Variants in XRCC5 observed in about 807,000 individuals in gnomAD.
XRCC5 encodes X-ray repair cross complementing 5.
XRCC5 carries 12 observed loss-of-function variants against 95.7 expected under a neutral mutation model. The observed-to-expected ratio is 0.13, with a 90% CI of 0.08 to 0.20. The LOEUF (loss-of-function observed/expected upper bound fraction) is 0.20, where lower values mean the gene tolerates loss of function less well. Ranked by LOEUF, XRCC5 falls within the 10% of genes least tolerant of loss-of-function variation. The pLI is 1.00. For synonymous variants in XRCC5, 281 were observed against 290.3 expected, an observed-to-expected ratio of 0.97 and a Z score of 0.33; for missense variants, 595 against 873.9, an observed-to-expected ratio of 0.68 and a Z score of 4.02.
rs748125419 is a variant in XRCC5 at position 216,148,086 on chromosome 2, C to G, written c.1480C>G (p.Leu494Val). The change falls in exon 14 of 21, where the codon CTG (leucine) becomes GTG (valine). Residue 494 changes from leucine to valine, a missense_variant. Leu to Val is a conservative substitution (Grantham distance 32). Around this residue, in one of 2 missense-constraint regions of XRCC5, gnomAD observed 309 missense variants for 382.9 expected, o/e 0.81. Transcript: ENST00000392132. ...NPRFQRLFQC[L>V]LHRALHPREP... is the part of the protein sequence containing the mutation. Reference sequence around the variant, plus strand: ...AAATCCTTACTTTTTCCAACAGTGTCTGCTGCACAGAGCTTTACATCCCCG... The same window carrying G: ...AAATCCTTACTTTTTCCAACAGTGTGTGCTGCACAGAGCTTTACATCCCCG... 6.2e-7 allele frequency: 1 copy of G among 1,611,530 alleles called. No homozygotes were observed. Among genetic ancestry groups the G allele is most frequent in the Non-Finnish European group, 8.5e-7 (1 of 1,179,300 alleles).
intron 14 of XRCC5, among the ~76,000 whole-genome samples, chr2:216,148,638 A>C (rs1281005480): frequency 2.6e-5 from 4 of 152,152 alleles, no homozygotes; most frequent in African/African-American, 9.7e-5. Flanking sequence ...TGAAGATCAT[A>C]GGTTTTTTGG....
intron 2 of XRCC5, among the ~76,000 whole-genome samples, 178 bp from the exon 3 acceptor site, chr2:216,116,481 G>A (rs1696699574): frequency 6.6e-6 from 1 of 152,128 alleles, no homozygotes; most frequent in African/African-American, 2.4e-5. Context: ...AAAAACATCT[G>A]TTCAGAACCT....
At chr2:216,194,781 G>C (rs1270932378) in intron 18 of XRCC5, 138 bp from the exon 19 acceptor site, 2 of 786,060 alleles carry the variant, frequency 2.5e-6, no homozygotes, top group Admixed American at 4.6e-5. Flanking sequence ...GACCAGCCTG[G>C]GCAACATAGT....
intron 16 of XRCC5, among the ~76,000 whole-genome samples, chr2:216,185,849 T>TC (rs1689483661): frequency 6.6e-6 from 1 of 152,132 alleles, no homozygotes; most frequent in Non-Finnish European, 1.5e-5. Flanking sequence ...GGTCTCGAAC[T>TC]CCTGACCTCA....
intron 19 of XRCC5, among the ~76,000 whole-genome samples, chr2:216,196,819 A>G (rs914840027): frequency 2.0e-5 from 3 of 152,222 alleles, no homozygotes; most frequent in African/African-American, 7.2e-5. Flanking sequence ...AGCAACATCT[A>G]GAGTAGTGTT....
At chr2:216,134,572 T>A (rs1338334513) in intron 10 of XRCC5, among the ~76,000 whole-genome samples, 1 of 151,928 alleles carries the variant, frequency 6.6e-6, no homozygotes, top group Non-Finnish European at 1.5e-5. Flanking sequence ...GGATTACAGA[T>A]GCCTGCCACA....
intron 1 of XRCC5, among the ~76,000 whole-genome samples, chr2:216,112,614 C>T (rs554377369): frequency 1.1e-4 from 16 of 152,330 alleles, no homozygotes; most frequent in African/African-American, 2.9e-4. Context: ...CAGTGACTTA[C>T]AGTGAAAGCA....
intron 10 of XRCC5, 41 bp from the exon 11 acceptor site, chr2:216,137,047 A>C: frequency 6.3e-7 from 1 of 1,589,446 alleles, no homozygotes; most frequent in Non-Finnish European, 8.6e-7. Context: ...GAAAACTCTC[A>C]CATGTTGAAT....
In XRCC5 at chr2:216,160,249, T is replaced by TA. The variant is rs1171375722; in HGVS notation, c.1764+89dup. 14 of 836,258 alleles carry TA rather than the reference T, an allele frequency of 1.7e-5. No homozygotes were observed. The African/African-American group carries it at 2.3e-4, about 14-fold the overall frequency. The allele number at this position is 836,258 out of a possible 1,614,324, so 51.8% of individuals were successfully genotyped here. A position where few individuals can be genotyped will look rare whatever the true frequency, so the allele number is the denominator to read the frequency against. On this transcript the variant is annotated intron_variant, in intron 15 of 20. Transcript: ENST00000392132. ...GCATCAATTTTTGTTAGTCCGTTCTTACCACTTTCAAGTTAAGATCATGAT... is the reference window on the plus strand; with the variant it reads ...GCATCAATTTTTGTTAGTCCGTTCTTAACCACTTTCAAGTTAAGATCATGAT...
chr2:216,109,893 T>C (rs1559234463), intron 1 of XRCC5, among the ~76,000 whole-genome samples: 1 of 152,176 alleles, frequency 6.6e-6, no homozygotes, highest in Non-Finnish European at 1.5e-5. Context: ...GTTGTAAAAC[T>C]TAAGAGAGGG....
intron 8 of XRCC5, 56 bp from the exon 9 acceptor site, chr2:216,130,819 G>A (rs1444892060): frequency 3.3e-6 from 4 of 1,210,240 alleles, no homozygotes; most frequent in Middle Eastern, 1.9e-4. Context: ...ACTAATTTCA[G>A]CTTGTAGAAA....
intron 19 of XRCC5, among the ~76,000 whole-genome samples, chr2:216,197,593 A>G (rs1442971836): frequency 2.0e-5 from 3 of 152,204 alleles, no homozygotes; most frequent in Non-Finnish European, 4.4e-5. Flanking sequence ...CTTTTAGAGC[A>G]TAGTGTTTCC....
intron 19 of XRCC5, 39 bp from the exon 20 acceptor site, chr2:216,204,283 A>T (rs776182138): frequency 1.2e-6 from 2 of 1,611,670 alleles, no homozygotes; most frequent in East Asian, 4.5e-5. Flanking sequence ...AAGGGGCAAA[A>T]ATATCATTTT....
chr2:216,112,911 TCC>T, intron 1 of XRCC5, 103 bp from the exon 2 acceptor site: 1 of 851,748 alleles, frequency 1.2e-6, no homozygotes, highest in Admixed American at 2.3e-5. Flanking sequence ...TTCACACCTT[TCC>T]TAAATACTGA....
At chr2:216,146,649 T>A (rs534826631) in intron 13 of XRCC5, among the ~76,000 whole-genome samples, 2 of 152,264 alleles carry the variant, frequency 1.3e-5, no homozygotes, top group Non-Finnish European at 2.9e-5. Flanking sequence ...ATCTTACTGC[T>A]TTCTATACTC....
chr2:216,200,227 G>A (rs1689810810), intron 19 of XRCC5, among the ~76,000 whole-genome samples: 1 of 152,156 alleles, frequency 6.6e-6, no homozygotes, highest in South Asian at 2.1e-4. Context: ...GAGAAAGGAT[G>A]CTCATGCTCC....
chr2:216,124,385 T>G (rs955225310), intron 6 of XRCC5, among the ~76,000 whole-genome samples: 2 of 152,198 alleles, frequency 1.3e-5, no homozygotes, highest in African/African-American at 4.8e-5. Flanking sequence ...TAGCTGGGAT[T>G]ACAGGCATGC....
chr2:216,175,851 C>A, intron 16 of XRCC5: 1 of 429,912 alleles, frequency 2.3e-6, no homozygotes, highest in South Asian at 1.9e-5. Context: ...GTGAGTGTGC[C>A]CCCTTTCTCA....
Position 216,160,292 on chromosome 2 carries a change from G to C in XRCC5, c.1764+131G>C, listed in dbSNP as rs867218510. ...ATCATGATCACTTTCTCTGGTCCTT[G>C]CTCTATAGAAGCCAAAAAGACCCAT... On this transcript the variant is annotated intron_variant, in intron 15 of 20. Transcript: ENST00000392132. 12 of 547,900 alleles carry C rather than the reference G, an allele frequency of 2.2e-5. No individual in the cohort carries two copies. In the Middle Eastern group the frequency reaches 3.2e-3, roughly 146 times the overall value. 33.9% of individuals were successfully genotyped at this position (547,900 alleles called of 1,614,324 possible).
Sources: gnomAD v4.1 joint callset for allele counts (sites outside exome capture counted in the v4.1 genomes callset) on GRCh38, gnomAD v4.1.1 for gene constraint, gnomAD v4.1.1 regional missense constraint, MANE v1.5 for transcripts, NCBI Gene and HGNC (gene_info 2026-07-23, HGNC 2026-07-21) for gene names.